The following CACNA2D3 variants were observed in gnomAD, a reference collection of about 807,000 sequenced individuals.
CACNA2D3 encodes voltage-dependent calcium channel subunit alpha-2/delta-3.
A neutral mutation model predicts 160.6 loss-of-function variants in CACNA2D3; 60 were observed. The observed-to-expected ratio is 0.37, with a 90% CI of 0.30 to 0.46. CACNA2D3 has a LOEUF of 0.46. CACNA2D3 is among the 20% of genes least tolerant of loss of function. The pLI is 1.00. For missense variants in CACNA2D3, 1,205 were observed against 1,365.0 expected, an observed-to-expected ratio of 0.88 and a Z score of 1.85; for synonymous variants, 558 against 492.9, an observed-to-expected ratio of 1.13 and a Z score of -1.75.
Position 54,822,758 on chromosome 3 carries a change from CT to C in CACNA2D3, c.1398+5891del, listed in dbSNP as rs1247158245. 2.3e-4 allele frequency among the ~76,000 whole-genome samples: 19 copies of C among 81,678 alleles called. 1 individual carries two copies. Among genetic ancestry groups the C allele is most frequent in the African/African-American group, 9.3e-4 (19 of 20,412 alleles). 53.6% of individuals were successfully genotyped at this position (81,678 alleles called of 152,430 possible). On this transcript the variant is annotated intron_variant, in intron 14 of 37. Coordinates refer to ENST00000474759, the MANE Select transcript of CACNA2D3 (RefSeq NM_018398.3). ...TCTTTCTTTCTTTCTTTCTTTCTTT[CT>C]TTCTTTCTTTCTTTCTTTCTTTCTT...
intron 8 of CACNA2D3, 54 bp from the exon 9 acceptor site, chr3:54,581,749 A>G: frequency 7.1e-7 from 1 of 1,409,446 alleles, no homozygotes; most frequent in Non-Finnish European, 1.0e-6. Context: ...ATTATTAAGA[A>G]GTACCCTTCA....
intron 17 of CACNA2D3, among the ~76,000 whole-genome samples, chr3:54,858,039 C>T (rs978006515): frequency 6.6e-6 from 1 of 151,332 alleles, no homozygotes; most frequent in Non-Finnish European, 1.5e-5. Context: ...TTTCTTTTCA[C>T]TGGACACACT....
At chr3:54,573,980 G>A (rs888573702) in intron 8 of CACNA2D3, among the ~76,000 whole-genome samples, 33 of 152,128 alleles carry the variant, frequency 2.2e-4, no homozygotes, top group Admixed American at 6.5e-5. Flanking sequence ...TGTAGAGGGC[G>A]ACCCAACTGC....
chr3:54,987,652 T>C, intron 30 of CACNA2D3, 31 bp from the exon 31 acceptor site: 1 of 1,460,084 alleles, frequency 6.8e-7, no homozygotes, highest in Non-Finnish European at 9.4e-7. Context: ...ATTATTTATC[T>C]ACACCTCCTC....
chr3:54,779,451 G>A (rs1214607834), intron 13 of CACNA2D3, among the ~76,000 whole-genome samples: 1 of 152,190 alleles, frequency 6.6e-6, no homozygotes, highest in Non-Finnish European at 1.5e-5. Flanking sequence ...AAATCTGGCT[G>A]TCAAGTAATG....
chr3:54,249,629 A>G lies in CACNA2D3; in HGVS notation c.205-70813A>G, dbSNP rs567181072. On this transcript the variant is annotated intron_variant, in intron 2 of 37. Transcript: ENST00000474759. ...CTTGCCAGTCTCAGTAATCGTGACAACCAGTTCCTTAGAACAAATCTCTCT... is the reference window on the plus strand; with the variant it reads ...CTTGCCAGTCTCAGTAATCGTGACAGCCAGTTCCTTAGAACAAATCTCTCT... Among the ~76,000 whole-genome samples the G allele has an allele frequency of 5.7e-5, 8 of 140,674 alleles. No homozygotes were observed. In the South Asian group the frequency reaches 1.4e-3, roughly 24 times the overall value. 92.3% of individuals were successfully genotyped at this position (140,674 alleles called of 152,430 possible).
At chr3:54,307,514 C>T (rs1020358110) in intron 2 of CACNA2D3, among the ~76,000 whole-genome samples, 1 of 152,104 alleles carries the variant, frequency 6.6e-6, no homozygotes, top group African/African-American at 2.4e-5. Flanking sequence ...CAGCGTCTCC[C>T]CACCTTTTCA....
intron 17 of CACNA2D3, among the ~76,000 whole-genome samples, chr3:54,854,461 C>T (rs1237086178): frequency 1.3e-5 from 2 of 152,146 alleles, no homozygotes; most frequent in African/African-American, 4.8e-5. Context: ...ACCCACAGCT[C>T]CTGTGACTGG....
At chr3:54,547,672 C>CTTTT (rs55806357) in intron 5 of CACNA2D3, among the ~76,000 whole-genome samples, 5 of 69,282 alleles carry the variant, frequency 7.2e-5, no homozygotes, top group African/African-American at 2.8e-4. Context: ...TCCCCCAACC[C>CTTTT]TTTTTTTTTT....
intron 4 of CACNA2D3, among the ~76,000 whole-genome samples, chr3:54,414,801 CTTT>C (rs34567327): frequency 7.8e-4 from 108 of 138,538 alleles, no homozygotes; most frequent in East Asian, 2.5e-3. Context: ...ATTCTTTTAA[CTTT>C]TTTTTTTTTT....
At chr3:54,327,131 C>T (rs1225198943) in intron 3 of CACNA2D3, among the ~76,000 whole-genome samples, 4 of 152,336 alleles carry the variant, frequency 2.6e-5, no homozygotes, top group African/African-American at 7.2e-5. Context: ...GCGTGGTCCT[C>T]GTGGGTTTCA....
At chr3:54,531,696 C>G (rs975935787) in intron 5 of CACNA2D3, among the ~76,000 whole-genome samples, 2 of 152,192 alleles carry the variant, frequency 1.3e-5, no homozygotes, top group Admixed American at 6.5e-5. Context: ...GTCATCATTC[C>G]AAGTCAGAGG....
chr3:54,501,762 A>T (rs994922538), intron 4 of CACNA2D3, among the ~76,000 whole-genome samples: 1 of 152,078 alleles, frequency 6.6e-6, no homozygotes, highest in Non-Finnish European at 1.5e-5. Context: ...TTTCTAAACT[A>T]TATCATTTTG....
At chr3:54,404,917 G>T (rs1318718761) in intron 4 of CACNA2D3, among the ~76,000 whole-genome samples, 1 of 151,370 alleles carries the variant, frequency 6.6e-6, no homozygotes, top group Non-Finnish European at 1.5e-5. Flanking sequence ...ATTTTACCAA[G>T]AAAGTAAAAG....
chr3:54,286,786 G>A (rs1703039864), intron 2 of CACNA2D3, among the ~76,000 whole-genome samples: 1 of 152,116 alleles, frequency 6.6e-6, no homozygotes, highest in Non-Finnish European at 1.5e-5. Context: ...CATTCTTAAA[G>A]AAAAGAATTT....
intron 10 of CACNA2D3, among the ~76,000 whole-genome samples, chr3:54,631,635 TAC>T (rs1419859318): frequency 6.6e-6 from 1 of 152,246 alleles, no homozygotes; most frequent in Non-Finnish European, 1.5e-5. Context: ...TATTCTGTTT[TAC>T]AGTTACCTGC....
At chr3:54,618,374 T>TATATATATTCACACAC in intron 9 of CACNA2D3, among the ~76,000 whole-genome samples, 1 of 54,584 alleles carries the variant, frequency 1.8e-5, no homozygotes, top group Non-Finnish European at 3.1e-5. Context: ...TATATATATA[T>TATATATATTCACACAC]GCACACACAC....
At chr3:54,525,041 G>T (rs1194654593) in intron 5 of CACNA2D3, among the ~76,000 whole-genome samples, 1 of 151,922 alleles carries the variant, frequency 6.6e-6, no homozygotes, top group Admixed American at 6.6e-5. Flanking sequence ...CACATGTGTG[G>T]TATAGTATAT....
chr3:54,222,441 A>G (rs772450049), intron 2 of CACNA2D3, among the ~76,000 whole-genome samples: 80 of 152,342 alleles, frequency 5.3e-4, no homozygotes, highest in Non-Finnish European at 6.3e-4. Context: ...TCTCTTATTC[A>G]GCCTTTTTGT....
Sources: gnomAD v4.1 joint callset for allele counts (sites outside exome capture counted in the v4.1 genomes callset) on GRCh38, gnomAD v4.1.1 for gene constraint, MANE v1.5 for transcripts, NCBI Gene and HGNC (gene_info 2026-07-23, HGNC 2026-07-21) for gene names.